The following ZNF816 variants were observed in gnomAD, a reference collection of about 807,000 sequenced individuals.
ZNF816 encodes zinc finger protein 816A.
In ZNF816, 11 loss-of-function variants were observed where a neutral mutation model predicts 8.3. The ratio of observed to expected loss-of-function variants is 1.32; its 90% CI spans 0.83 to 2.19. ZNF816 has a LOEUF of 2.19. Ranked by LOEUF, ZNF816 falls within the 30% of genes most tolerant of loss-of-function variation. The pLI, the probability that ZNF816 is intolerant of heterozygous loss-of-function variation, is 0.00. For missense variants in ZNF816, 710 were observed against 779.3 expected (o/e 0.91, Z 1.06); for synonymous variants, 255 against 254.5 (o/e 1.00, Z -0.02).
chr19:52,961,080 T>G (rs890011931), intron 1 of ZNF816, among the ~76,000 whole-genome samples: 1 of 152,248 alleles, frequency 6.6e-6, no homozygotes, highest in Admixed American at 6.5e-5. Flanking sequence ...CTTTCTGTTC[T>G]ATAGTTATTA....
chr19:52,957,250 G>A lies in ZNF816; in HGVS notation c.-15-1146C>T, dbSNP rs558437924. Among the ~76,000 whole-genome samples the A allele has an allele frequency of 1.3e-5, 2 of 152,214 alleles. No individual in the cohort carries two copies. Among genetic ancestry groups the A allele is most frequent in the Admixed American group, 6.5e-5 (1 of 15,270 alleles). ...GAAGCGAGGTAATTAACAGAAGGTCGAGGCAACCCCTTAGGTGACTTAGGC... is the reference window on the plus strand; with the variant it reads ...GAAGCGAGGTAATTAACAGAAGGTCAAGGCAACCCCTTAGGTGACTTAGGC... On this transcript the variant is annotated intron_variant, in intron 1 of 3. Transcript: ENST00000444460. The surrounding 1 kb of genome is among the most constrained non-coding windows in gnomAD (Gnocchi z 4.6).
chr19:52,956,691 G>A (rs371246429), intron 1 of ZNF816, among the ~76,000 whole-genome samples: 1 of 152,176 alleles, frequency 6.6e-6, no homozygotes, highest in African/African-American at 2.4e-5. Context: ...GTGGTGGCAC[G>A]CAGCTGTGGT....
In ZNF816 at chr19:52,951,265, A is replaced by T; in HGVS notation, c.510T>A (p.Phe170Leu). ...GGTTACTAATTTTCCCTTTAGTCTG[A>T]AACATGTGGAGTTCAGGCAGATGCG... ...FHSHLPELHM[F>L]QTKGKISNQL... Residue 170 changes from phenylalanine to leucine, a missense_variant, in exon 4 of 4, where the codon TTT (phenylalanine) becomes TTA (leucine). Physicochemically the swap from Phe to Leu is conservative, Grantham distance 22 (BLOSUM62 0). Transcript: ENST00000444460. 1 of 1,614,182 alleles carries T rather than the reference A, an allele frequency of 6.2e-7. No individual in the cohort carries two copies. The highest frequency in any genetic ancestry group is 8.5e-7 in the Non-Finnish European group (1 of 1,180,028).
intron 1 of ZNF816, among the ~76,000 whole-genome samples, chr19:52,960,926 A>G (rs978263149): frequency 6.6e-6 from 1 of 152,228 alleles, no homozygotes; most frequent in Non-Finnish European, 1.5e-5. Flanking sequence ...CGCACAGTGG[A>G]AGCATGAGGA....
chr19:52,955,870 A>AT (rs1217670533), intron 2 of ZNF816, among the ~76,000 whole-genome samples, 157 bp downstream of exon 2: 3 of 152,154 alleles, frequency 2.0e-5, no homozygotes, highest in Middle Eastern at 6.3e-3. Flanking sequence ...AGGAGATGGA[A>AT]TTTAAGTGAA....
chr19:52,950,512 T>A lies in ZNF816; in HGVS notation c.1263A>T (p.Gly421=). Reference sequence around the variant, plus strand: ...AAACCTTACATTTGTATGATCCCTCTCCAGTATGAATCTTCCTATGTCTTT... The same window carrying A: ...AAACCTTACATTTGTATGATCCCTCACCAGTATGAATCTTCCTATGTCTTT... ...HLERHRKIHT[G]EGSYKCKVCD... is the part of the protein sequence containing the mutation. The change falls in exon 4 of 4, where the codon GGA becomes GGT. Residue 421 remains glycine (G), a synonymous_variant. Coordinates refer to ENST00000444460, the MANE Select transcript of ZNF816 (RefSeq NM_001202457.3). 6.2e-7 allele frequency: 1 copy of A among 1,611,492 alleles called. No individual in the cohort carries two copies. The highest frequency in any genetic ancestry group is 8.5e-7 in the Non-Finnish European group (1 of 1,179,306).
rs541486174 is a variant in ZNF816, at chr19:52,959,823, C to T, written c.-16+2904G>A. 5.3e-5 allele frequency among the ~76,000 whole-genome samples: 8 copies of T among 152,290 alleles called. No individual in the cohort carries two copies. In the South Asian group the frequency reaches 8.3e-4, roughly 16 times the overall value. On this transcript the variant is annotated intron_variant, in intron 1 of 3. Coordinates refer to ENST00000444460, the MANE Select transcript of ZNF816 (RefSeq NM_001202457.3). ...AGAGGACACCAGCGAGCTTCCACCT[C>T]GGTTGCCTTAGGGAACTCCAGAGCT...
chr19:52,950,736 C>T lies in ZNF816; in HGVS notation c.1039G>A (p.Gly347Ser), dbSNP rs2083450029. ...GEKPYKCNEC[G>S]KTFGRNSALV... The stretch of plus-strand genomic sequence containing the variant: ...GCTGAATTTCGACCAAAAGTCTTGC[C>T]ACACTCATTACACTTGTAAGGTTTC... Residue 347 changes from glycine (G) to serine (S), a missense_variant, in exon 4 of 4, where the codon GGC becomes AGC. Physicochemically the swap from Gly to Ser is moderately conservative, Grantham distance 56. Transcript: ENST00000444460. 6.2e-7 allele frequency: 1 copy of T among 1,614,128 alleles called. No individual in the cohort carries two copies. The highest frequency in any genetic ancestry group is 1.3e-5 in the African/African-American group (1 of 74,996).
Position 52,950,338 on chromosome 19 carries a change from T to C in ZNF816, c.1437A>G (p.Lys479=), listed in dbSNP as rs775816656. ...TGCCACATTCATTACATGTGTAAGG[T>C]TTCTCTCCAGTGTGAAGTGTATGAT... ...QYHHTLHTGE[K]PYTCNECGKV... Residue 479 remains lysine (K), a synonymous_variant, in exon 4 of 4, where the codon AAA becomes AAG. Transcript: ENST00000444460. 6.2e-7 allele frequency: 1 copy of C among 1,613,894 alleles called. No individual in the cohort carries two copies. The highest frequency in any genetic ancestry group is 1.1e-5 in the South Asian group (1 of 91,088).
rs1388993966 is a variant in ZNF816 at position 52,950,255 on chromosome 19, T to G, written c.1520A>C (p.Lys507Thr). 2 of 1,613,592 alleles carry G rather than the reference T, an allele frequency of 1.2e-6. No individual in the cohort carries two copies. The highest frequency in any genetic ancestry group is 1.7e-6 in the Non-Finnish European group (2 of 1,179,868). Residue 507 changes from lysine (K) to threonine (T), a missense_variant, in exon 4 of 4, where the codon AAA (lysine) becomes ACA (threonine). By Grantham distance (78) the Lys-to-Thr change is moderately conservative. Coordinates refer to ENST00000444460, the MANE Select transcript of ZNF816 (RefSeq NM_001202457.3). ...ARHHRLHAGE[K>T]PYKCEECDKV... ...GTCACATTCTTCACATTTGTAAGGT[T>G]TCTCTCCAGCATGAAGTCTATGATG... is the stretch of plus-strand genomic sequence containing the variant.
intron 3 of ZNF816, 144 bp from the exon 4 acceptor site, chr19:52,951,728 T>C: frequency 1.2e-6 from 1 of 829,084 alleles, no homozygotes; most frequent in Non-Finnish European, 1.8e-6. Context: ...GAACACACTG[T>C]CTCTACTGAA....
intron 3 of ZNF816, 174 bp from the exon 4 acceptor site, chr19:52,951,758 C>A: frequency 1.5e-6 from 1 of 645,814 alleles, no homozygotes; most frequent in South Asian, 3.0e-5. Flanking sequence ...ATTAGCCAGT[C>A]ATGGTGGTGG....
rs1028642866 is a variant in ZNF816 at position 52,949,532 on chromosome 19, A to G, written c.*287T>C. 3.6e-5 allele frequency: 23 copies of G among 634,078 alleles called. No homozygotes were observed. The highest frequency in any genetic ancestry group is 2.6e-4 in the Middle Eastern group (1 of 3,888). 39.3% of individuals were successfully genotyped at this position (634,078 alleles called of 1,614,324 possible). Reference sequence around the variant, plus strand: ...TCCAGTATGAATTCTCTGATGTCTAATGAGGTGTGAACATGAAGTAAAGGC... The same window carrying G: ...TCCAGTATGAATTCTCTGATGTCTAGTGAGGTGTGAACATGAAGTAAAGGC... On this transcript the variant is annotated 3_prime_UTR_variant, in exon 4 of 4. Transcript: ENST00000444460.
Position 52,951,139 on chromosome 19 carries a change from G to A in ZNF816, c.636C>T (p.Leu212=). The change falls in exon 4 of 4, where the codon CTC becomes CTT. Residue 212 remains leucine, a synonymous_variant. Transcript: ENST00000444460. ...HISNKYGKNF[L]HSSFTQIQEI... Reference sequence around the variant, plus strand: ...CCTGTATTTGTGTGAATGAAGAATGGAGGAAATTCTTCCCATACTTATTAG... The same window carrying A: ...CCTGTATTTGTGTGAATGAAGAATGAAGGAAATTCTTCCCATACTTATTAG... 1.2e-6 allele frequency: 2 copies of A among 1,614,040 alleles called. No individual in the cohort carries two copies. Among genetic ancestry groups the A allele is most frequent in the South Asian group, 1.1e-5 (1 of 91,070 alleles).
intron 2 of ZNF816, among the ~76,000 whole-genome samples, chr19:52,954,241 G>C (rs996647146): frequency 6.6e-6 from 1 of 151,918 alleles, no homozygotes; most frequent in Non-Finnish European, 1.5e-5. Flanking sequence ...TACAAAGTTA[G>C]CTGGGAATGG....
At chr19:52,960,242 G>T in intron 1 of ZNF816, 1 of 278,904 alleles carries the variant, frequency 3.6e-6, no homozygotes, top group Non-Finnish European at 7.1e-6. Flanking sequence ...TTATGAAGCA[G>T]CCCCCTTTGA....
chr19:52,951,955 G>A (rs2083464129), intron 3 of ZNF816: 3 of 406,478 alleles, frequency 7.4e-6, no homozygotes, highest in East Asian at 7.1e-5. Context: ...GAGCCTGAAT[G>A]ATGTCCTCCC....
intron 3 of ZNF816, chr19:52,952,529 T>C: frequency 2.7e-6 from 2 of 738,658 alleles, no homozygotes; most frequent in African/African-American, 3.6e-5. Flanking sequence ...TCAATTGTAT[T>C]AGTCAAAGTG....
Position 52,951,017 on chromosome 19 carries a change from CTT to C in ZNF816, c.756_757del (p.Glu256IlefsTer2), listed in dbSNP as rs745324132. 46 of 1,614,126 alleles carry C rather than the reference CTT, an allele frequency of 2.8e-5. No homozygotes were observed. Among genetic ancestry groups the C allele is most frequent in the Admixed American group, 6.7e-5 (4 of 60,026 alleles). On this transcript the variant is annotated frameshift_variant, in exon 4 of 4. Transcript: ENST00000444460. LOFTEE classifies it low-confidence loss of function (END_TRUNC). ...TACATCACATTTATATTCTCTCTCTCTTGAATGGGTTATGTGGTGTCTCCTTA... is the reference window on the plus strand; with the variant it reads ...TACATCACATTTATATTCTCTCTCTCGAATGGGTTATGTGGTGTCTCCTTA...
Sources: gnomAD v4.1 joint callset for allele counts (sites outside exome capture counted in the v4.1 genomes callset) on GRCh38, gnomAD v4.1.1 for gene constraint, Gnocchi (gnomAD v3.1) non-coding constraint, MANE v1.5 for transcripts, NCBI Gene and HGNC (gene_info 2026-07-23, HGNC 2026-07-21) for gene names.